Variants in NAALADL2 observed in about 807,000 individuals in gnomAD.
NAALADL2 encodes the protein inactive N-acetylated-alpha-linked acidic dipeptidase-like protein 2.
In NAALADL2, 76 loss-of-function variants were observed where a neutral mutation model predicts 87.2. The observed-to-expected ratio is 0.87, with a 90% CI of 0.72 to 1.05. NAALADL2 has a LOEUF of 1.05. Ranked by LOEUF, NAALADL2 falls within the 50% of genes least tolerant of loss-of-function variation. The pLI is 0.00. For synonymous variants in NAALADL2, 354 were observed against 331.0 expected (o/e 1.07, Z -0.75); for missense variants, 1,089 against 945.8 (o/e 1.15, Z -1.99).
At chr3:175,102,061 T>A (rs1580452443) in intron 2 of NAALADL2, among the ~76,000 whole-genome samples, 2 of 152,318 alleles carry the variant, frequency 1.3e-5, no homozygotes, top group Admixed American at 6.5e-5. Context: ...ATTTTTTAAA[T>A]TAAAATATTA....
intron 10 of NAALADL2, among the ~76,000 whole-genome samples, chr3:175,626,424 C>T (rs1726988491): frequency 6.6e-6 from 1 of 151,684 alleles, no homozygotes; most frequent in South Asian, 2.1e-4. Context: ...TTTAACTTTT[C>T]AAGATAATCT....
intron 5 of NAALADL2, among the ~76,000 whole-genome samples, chr3:175,392,812 T>A (rs1405076348): frequency 6.6e-6 from 1 of 152,178 alleles, no homozygotes; most frequent in Admixed American, 6.5e-5. Flanking sequence ...ACCACCCAAA[T>A]TCTTACAGCT....
At chr3:174,573,976 G>A (rs1715229735) in intron 2 of NAALADL2, among the ~76,000 whole-genome samples, 1 of 152,156 alleles carries the variant, frequency 6.6e-6, no homozygotes, top group Non-Finnish European at 1.5e-5. Context: ...TTTAGTTCTT[G>A]TGAACCAGTG....
intron 11 of NAALADL2, among the ~76,000 whole-genome samples, chr3:175,633,689 T>C (rs1238269174): frequency 6.6e-6 from 1 of 151,920 alleles, no homozygotes; most frequent in Non-Finnish European, 1.5e-5. Flanking sequence ...GTAAGTTTCC[T>C]CAAGAAATAT....
intron 1 of NAALADL2, among the ~76,000 whole-genome samples, chr3:174,457,735 C>T (rs562754951): frequency 3.2e-4 from 48 of 151,792 alleles, no homozygotes; most frequent in South Asian, 1.0e-3. Context: ...TGCTTGAATC[C>T]GGGAGGTGGA....
intron 2 of NAALADL2, among the ~76,000 whole-genome samples, chr3:174,736,662 G>A (rs1484508614): frequency 6.6e-6 from 1 of 152,138 alleles, no homozygotes; most frequent in Non-Finnish European, 1.5e-5. Flanking sequence ...TGGCTCATGG[G>A]CAGCCTTTCG....
intron 2 of NAALADL2, among the ~76,000 whole-genome samples, chr3:175,112,823 C>A (rs745905121): frequency 6.6e-6 from 1 of 151,384 alleles, no homozygotes; most frequent in African/African-American, 2.4e-5. Flanking sequence ...ATGACATCAG[C>A]GCAAAGATTG....
chr3:174,847,876 T>C (rs567636010), intron 3 of NAALADL2, among the ~76,000 whole-genome samples: 2 of 151,960 alleles, frequency 1.3e-5, no homozygotes. Context: ...TAGCTGAACA[T>C]AGAATTTCTC....
At chr3:174,882,971 A>G (rs1729614465) in intron 1 of NAALADL2, among the ~76,000 whole-genome samples, 1 of 151,834 alleles carries the variant, frequency 6.6e-6, no homozygotes, top group African/African-American at 2.4e-5. Flanking sequence ...CATGATCACA[A>G]GGTTTCGCAA....
chr3:174,759,420 G>A (rs934279575), intron 3 of NAALADL2, among the ~76,000 whole-genome samples: 1 of 152,072 alleles, frequency 6.6e-6, no homozygotes, highest in Non-Finnish European at 1.5e-5. Context: ...ATTTGAACAT[G>A]GTGCATTGCC....
At chr3:175,182,549 A>ATTTTTTTTTTTTTT in intron 2 of NAALADL2, among the ~76,000 whole-genome samples, 1 of 71,916 alleles carries the variant, frequency 1.4e-5, no homozygotes, top group African/African-American at 5.7e-5. Context: ...CACCACAGCC[A>ATTTTTTTTTTTTTT]GTTTTTTTTT....
rs1721285987 is a variant in NAALADL2 at position 175,097,085 on chromosome 3, T to C, written c.339T>C (p.Ser113=). The C allele has an allele frequency of 6.2e-7, 1 of 1,613,654 alleles. No homozygotes were observed. Among genetic ancestry groups the C allele is most frequent in the Admixed American group, 1.7e-5 (1 of 59,962 alleles). Residue 113 remains serine (S), a synonymous_variant, in exon 2 of 14, where the codon TCT becomes TCC. Coordinates refer to ENST00000454872, the MANE Select transcript of NAALADL2 (RefSeq NM_207015.3). ...ESDYITHYTR[S]APKSNRCNFC... ...ACTACATTACCCATTATACACGATC[T>C]GCACCAAAGAGCAATCGCTGCAACT...
At chr3:175,251,158 G>T (rs116074304) in intron 3 of NAALADL2, among the ~76,000 whole-genome samples, 113 of 152,272 alleles carry the variant, frequency 7.4e-4, no homozygotes, top group African/African-American at 2.6e-3. Flanking sequence ...TTTAAAGTGT[G>T]GAAATCTTTG....
intron 5 of NAALADL2, among the ~76,000 whole-genome samples, chr3:175,365,020 A>G (rs1378190148): frequency 1.4e-5 from 2 of 147,748 alleles, no homozygotes; most frequent in African/African-American, 4.9e-5. Context: ...TAAATTGTCA[A>G]AGGAGAATTA....
intron 9 of NAALADL2, among the ~76,000 whole-genome samples, chr3:175,555,359 T>C (rs553859818): frequency 1.3e-5 from 2 of 152,318 alleles, no homozygotes; most frequent in African/African-American, 4.8e-5. Flanking sequence ...AGTGAGTACA[T>C]TTATTGCATT....
chr3:175,700,214 G>C (rs1738794220), intron 11 of NAALADL2, among the ~76,000 whole-genome samples: 1 of 152,058 alleles, frequency 6.6e-6, no homozygotes, highest in African/African-American at 2.4e-5. Flanking sequence ...AGTAAGACTG[G>C]CTTTTGAACA....
At chr3:174,989,201 G>A (rs1240175630) in intron 1 of NAALADL2, among the ~76,000 whole-genome samples, 2 of 152,154 alleles carry the variant, frequency 1.3e-5, no homozygotes, top group African/African-American at 4.8e-5. Context: ...ACCTCCCATC[G>A]GGCCCCACCT....
chr3:175,395,739 A>G lies in NAALADL2; in HGVS notation c.1091-51490A>G, dbSNP rs140166864. ...TAATCTTTGCATACTCATGATAATA[A>G]TGATAGCTATCCATCTCTGAAAAAG... is the stretch of plus-strand genomic sequence containing the variant. On this transcript the variant is annotated intron_variant, in intron 5 of 13. Coordinates refer to ENST00000454872, the MANE Select transcript of NAALADL2 (RefSeq NM_207015.3). 1.4e-3 allele frequency among the ~76,000 whole-genome samples: 216 copies of G among 152,352 alleles called. 1 individual carries two copies. Among genetic ancestry groups the G allele is most frequent in the African/African-American group, 5.1e-3 (210 of 41,584 alleles).
At chr3:175,599,266 T>A (rs909643683) in intron 10 of NAALADL2, among the ~76,000 whole-genome samples, 1 of 152,238 alleles carries the variant, frequency 6.6e-6, no homozygotes, top group Non-Finnish European at 1.5e-5. Flanking sequence ...ATTAATTCCA[T>A]AGTCCCAATA....
Sources: gnomAD v4.1 joint callset for allele counts (sites outside exome capture counted in the v4.1 genomes callset) on GRCh38, gnomAD v4.1.1 for gene constraint, MANE v1.5 for transcripts, NCBI Gene and HGNC (gene_info 2026-07-23, HGNC 2026-07-21) for gene names.